ZNF749: variants seen among roughly 807,000 people sequenced by gnomAD.
ZNF749 encodes zinc finger protein 749.
A neutral mutation model predicts 7.3 loss-of-function variants in ZNF749; 8 were observed. The ratio of observed to expected loss-of-function variants is 1.10; its 90% CI spans 0.64 to 1.98. The LOEUF (loss-of-function observed/expected upper bound fraction) is 1.98, where lower values mean the gene tolerates loss of function less well. Ranked by LOEUF, ZNF749 falls within the 30% of genes most tolerant of loss-of-function variation. The pLI is 0.00. For synonymous variants in ZNF749, 310 were observed against 322.4 expected (o/e 0.96, Z 0.41); for missense variants, 898 against 932.4 (o/e 0.96, Z 0.48).
chr19:57,443,388 C>G lies in ZNF749; in HGVS notation c.240C>G (p.Thr80=). The part of the protein sequence containing the change: ...QVTIPKPALS[T]LKAQPCKMCS... ...CAATTCCAAAGCCAGCTTTGTCCACCCTGAAGGCCCAGCCCTGCAAGATGT... is the reference window on the plus strand; with the variant it reads ...CAATTCCAAAGCCAGCTTTGTCCACGCTGAAGGCCCAGCCCTGCAAGATGT... The change falls in exon 3 of 3, where the codon ACC becomes ACG. Residue 80 remains threonine, a synonymous_variant. Coordinates refer to ENST00000334181, the MANE Select transcript of ZNF749 (RefSeq NM_001023561.4). The G allele has an allele frequency of 6.2e-7, 1 of 1,614,220 alleles. No individual in the cohort carries two copies. Among genetic ancestry groups the G allele is most frequent in the Non-Finnish European group, 8.5e-7 (1 of 1,180,042 alleles).
upstream of ZNF749, among the ~76,000 whole-genome samples, chr19:57,431,889 C>G (rs993119240): frequency 3.3e-5 from 5 of 152,090 alleles, no homozygotes; most frequent in Admixed American, 3.3e-4. Flanking sequence ...ATGGCGTGAT[C>G]TTGGCTCACT....
chr19:57,432,561 T>TA (rs750185614), upstream of ZNF749, among the ~76,000 whole-genome samples: 1,874 of 74,068 alleles, frequency 0.025, 48 homozygotes, highest in African/African-American at 0.036. Context: ...GACTCTGTCT[T>TA]AAAAAAAAAA....
the ZNF749 span, among the ~76,000 whole-genome samples, chr19:57,429,032 T>TTG: frequency 1.6e-3 from 242 of 151,916 alleles, no homozygotes; most frequent in Non-Finnish European, 2.9e-3. This position sits in a 1 kb window ranked among gnomAD's most constrained non-coding sequence, Gnocchi z 4.2. Context: ...ATACTTTTTT[T>TTG]TGTGTGTGTG....
rs374973355 is a variant in ZNF749 at position 57,444,328 on chromosome 19, C to T, written c.1180C>T (p.Arg394Cys). The T allele has an allele frequency of 3.7e-5, 59 of 1,613,848 alleles. No homozygotes were observed. The highest frequency in any genetic ancestry group is 3.7e-5 in the Non-Finnish European group (44 of 1,179,980). The stretch of plus-strand genomic sequence containing the variant: ...CATATGTGGAAAATTCTTTAGTCAC[C>T]GCTCCACACTCAATATGCACCAGAG... ...CSICGKFFSH[R>C]STLNMHQRVH... The change falls in exon 3 of 3, where the codon CGC becomes TGC. Residue 394 changes from arginine (R) to cysteine (C), a missense_variant. Coordinates refer to ENST00000334181, the MANE Select transcript of ZNF749 (RefSeq NM_001023561.4).
chr19:57,434,825 A>G (rs1600100532), upstream of ZNF749, among the ~76,000 whole-genome samples: 1 of 152,324 alleles, frequency 6.6e-6, no homozygotes, highest in Middle Eastern at 3.4e-3. Context: ...ACGATCAAAA[A>G]AAAGTCTCCA....
upstream of ZNF749, among the ~76,000 whole-genome samples, chr19:57,433,560 A>C (rs1266959950): frequency 6.6e-6 from 1 of 151,674 alleles, no homozygotes; most frequent in African/African-American, 2.4e-5. Flanking sequence ...TTAATTTCCC[A>C]CAACCCTTTC....
At chr19:57,435,321 C>T, upstream of ZNF749, 1 of 601,112 alleles carries the variant, frequency 1.7e-6, no homozygotes, top group Admixed American at 2.9e-5. Context: ...ATTGTGTGGG[C>T]GGGACTTCTG....
At chr19:57,428,849 A>G in the ZNF749 span, among the ~76,000 whole-genome samples, 1 of 152,190 alleles carries the variant, frequency 6.6e-6, no homozygotes, top group South Asian at 2.1e-4. Flanking sequence ...TACTTGAGGT[A>G]GCTTATACAA....
At chr19:57,434,788 C>T (rs145770574), upstream of ZNF749, among the ~76,000 whole-genome samples, 7 of 152,236 alleles carry the variant, frequency 4.6e-5, no homozygotes, top group African/African-American at 1.7e-4. Context: ...TGGGTCTTTT[C>T]TTTCTTGTCC....
At chr19:57,435,197 C>G (rs1362591472), upstream of ZNF749, 2 of 350,630 alleles carry the variant, frequency 5.7e-6, no homozygotes, top group Non-Finnish European at 1.1e-5. Flanking sequence ...ACCCAGAAGA[C>G]ACTGCGGGCG....
Position 57,444,594 on chromosome 19 carries a change from T to C in ZNF749, c.1446T>C (p.Pro482=), listed in dbSNP as rs1481661108. Residue 482 remains proline, a synonymous_variant, in exon 3 of 3, where the codon CCT becomes CCC. Transcript: ENST00000334181. ...AGAGGATTGACATTAGGCCAAGGCC[T>C]TATACATGCAGTGAATGTGGGAAGG... ...QHKRIDIRPR[P]YTCSECGKAF... 1 of 1,613,592 alleles carries C rather than the reference T, an allele frequency of 6.2e-7. No homozygotes were observed. Among genetic ancestry groups the C allele is most frequent in the East Asian group, 2.2e-5 (1 of 44,876 alleles).
In ZNF749 at chr19:57,445,648, T is replaced by C. The variant is rs2089057204; in HGVS notation, c.*163T>C. Reference sequence around the variant, plus strand: ...GGGAACTACATTAAAAACATTTATGTCCAGGCGTGGTGGCTCACGCCTGTA... The same window carrying C: ...GGGAACTACATTAAAAACATTTATGCCCAGGCGTGGTGGCTCACGCCTGTA... On this transcript the variant is annotated 3_prime_UTR_variant, in exon 3 of 3. Coordinates refer to ENST00000334181, the MANE Select transcript of ZNF749 (RefSeq NM_001023561.4). 1 of 821,144 alleles carries C rather than the reference T, an allele frequency of 1.2e-6. No individual in the cohort carries two copies. Among genetic ancestry groups the C allele is most frequent in the Non-Finnish European group, 1.5e-6 (1 of 680,388 alleles). The allele number at this position is 821,144 out of a possible 1,614,324, so 50.9% of individuals were successfully genotyped here.
rs766003239 is a variant in ZNF749, at chr19:57,444,341, A to G, written c.1193A>G (p.Asn398Ser). Residue 398 changes from asparagine (N) to serine (S), a missense_variant, in exon 3 of 3, where the codon AAT becomes AGT. By Grantham distance (46) the Asn-to-Ser change is conservative. Transcript: ENST00000334181. ...TTCTTTAGTCACCGCTCCACACTCA[A>G]TATGCACCAGAGAGTTCATGCTGGC... Reference protein sequence around the residue: ...GKFFSHRSTLNMHQRVHAGKR... With the variant: ...GKFFSHRSTLSMHQRVHAGKR... The G allele has an allele frequency of 7.4e-6, 12 of 1,614,152 alleles. No individual in the cohort carries two copies. The highest frequency in any genetic ancestry group is 4.5e-5 in the East Asian group (2 of 44,886).
chr19:57,443,487 A>G lies in ZNF749; in HGVS notation c.339A>G (p.Thr113=). 6.2e-7 allele frequency: 1 copy of G among 1,614,218 alleles called. No homozygotes were observed. The highest frequency in any genetic ancestry group is 8.5e-7 in the Non-Finnish European group (1 of 1,180,008). Residue 113 remains threonine (T), a synonymous_variant, in exon 3 of 3, where the codon ACA becomes ACG. Transcript: ENST00000334181. ...DGTHPEQGLY[T]CAAEHDLHQK... ...CACACCCTGAGCAAGGGCTGTACACATGTGCAGCAGAGCATGACCTGCACC... is the reference window on the plus strand; with the variant it reads ...CACACCCTGAGCAAGGGCTGTACACGTGTGCAGCAGAGCATGACCTGCACC...
chr19:57,445,917 G>A lies in ZNF749; in HGVS notation c.*432G>A, dbSNP rs1459100612. Among the ~76,000 whole-genome samples the A allele has an allele frequency of 6.6e-6, 1 of 152,120 alleles. No individual in the cohort carries two copies. The highest frequency in any genetic ancestry group is 2.4e-5 in the African/African-American group (1 of 41,428). On this transcript the variant is annotated 3_prime_UTR_variant, in exon 3 of 3. Coordinates refer to ENST00000334181, the MANE Select transcript of ZNF749 (RefSeq NM_001023561.4). ...TGCACTCCAGCCTGGGTGACAGGGC[G>A]AGACTCTGTCTCAAAAAGAAAAAAA... is the stretch of plus-strand genomic sequence containing the variant.
Position 57,445,726 on chromosome 19 carries a change from T to G in ZNF749, c.*241T>G, listed in dbSNP as rs571105655. 9.2e-5 allele frequency among the ~76,000 whole-genome samples: 14 copies of G among 152,212 alleles called. No homozygotes were observed. Among genetic ancestry groups the G allele is most frequent in the African/African-American group, 3.4e-4 (14 of 41,550 alleles). ...GGTGGATCACCTGAGGTCAGGAGTT[T>G]GAGACCAGCCGGGCCAACATGGTGA... On this transcript the variant is annotated 3_prime_UTR_variant, in exon 3 of 3. Transcript: ENST00000334181.
rs1024284211 is a variant in ZNF749, at chr19:57,443,800, C to G, written c.652C>G (p.His218Asp). ...TGGGCTGTTTGAGCACCAAAAAACC[C>G]ATAATGGGGAGAGGCCTTATGAGTT... ...QHGLFEHQKTHNGERPYEFSE... is the reference protein window; with the variant it reads ...QHGLFEHQKTDNGERPYEFSE... The change falls in exon 3 of 3, where the codon CAT (histidine) becomes GAT (aspartate). Residue 218 changes from histidine (H) to aspartate (D), a missense_variant. Physicochemically the swap from His to Asp is moderately conservative, Grantham distance 81. Transcript: ENST00000334181. The G allele has an allele frequency of 6.2e-7, 1 of 1,614,070 alleles. No individual in the cohort carries two copies.
chr19:57,437,585 G>A (rs1026048478), intron 1 of ZNF749, among the ~76,000 whole-genome samples: 2 of 151,890 alleles, frequency 1.3e-5, no homozygotes, highest in Non-Finnish European at 2.9e-5. Flanking sequence ...TTACCTGGGC[G>A]TGGTGGCGGG....
At chr19:57,434,893 G>A (rs1175328119), upstream of ZNF749, among the ~76,000 whole-genome samples, 2 of 152,194 alleles carry the variant, frequency 1.3e-5, no homozygotes, top group Non-Finnish European at 2.9e-5. Flanking sequence ...ATGAATGGAG[G>A]ACCAGTTCAT....
Sources: gnomAD v4.1 joint callset for allele counts (sites outside exome capture counted in the v4.1 genomes callset) on GRCh38, gnomAD v4.1.1 for gene constraint, Gnocchi (gnomAD v3.1) non-coding constraint, MANE v1.5 for transcripts, NCBI Gene and HGNC (gene_info 2026-07-23, HGNC 2026-07-21) for gene names.